The following DLC1 variants were observed in gnomAD, a reference collection of about 807,000 sequenced individuals.
DLC1 encodes the protein rho GTPase-activating protein 7.
A neutral mutation model predicts 140.3 loss-of-function variants in DLC1; 54 were observed. The ratio of observed to expected loss-of-function variants is 0.38; its 90% CI spans 0.31 to 0.48. The LOEUF (loss-of-function observed/expected upper bound fraction) is 0.48. Among genes scored for constraint, DLC1 ranks in the 20% least tolerant of loss-of-function variants. The probability of loss-of-function intolerance (pLI) is 0.96; values close to 1 mark genes in which losing one functional copy is unlikely to be tolerated. For missense variants in DLC1, 2,536 were observed against 1,907.0 expected (o/e 1.33, Z -6.14); for synonymous variants, 986 against 728.1 (o/e 1.35, Z -5.70).
intron 1 of DLC1, among the ~76,000 whole-genome samples, chr8:13,552,447 T>G (rs1803898899): frequency 6.6e-6 from 1 of 150,780 alleles, no homozygotes; most frequent in African/African-American, 2.4e-5. Context: ...TGAAAATAAA[T>G]AAAAATATAT....
At chr8:13,446,236 T>G (rs140543847) in intron 2 of DLC1, among the ~76,000 whole-genome samples, 28 of 152,318 alleles carry the variant, frequency 1.8e-4, no homozygotes, top group African/African-American at 6.5e-4. Flanking sequence ...GCAACATCCC[T>G]TGGGGATGGA....
intron 5 of DLC1, among the ~76,000 whole-genome samples, chr8:13,127,113 A>G (rs565871348): frequency 1.8e-4 from 27 of 152,328 alleles, no homozygotes; most frequent in Non-Finnish European, 3.5e-4. Context: ...TGTGAGAAAA[A>G]AGTAAGATTT....
At chr8:13,468,236 A>T (rs879423478) in intron 2 of DLC1, among the ~76,000 whole-genome samples, 15 of 152,152 alleles carry the variant, frequency 9.9e-5, no homozygotes, top group Non-Finnish European at 1.9e-4. Flanking sequence ...CAAATTTATT[A>T]ACTTAAACAT....
chr8:13,441,118 A>G (rs1798489829), intron 2 of DLC1, among the ~76,000 whole-genome samples: 1 of 152,160 alleles, frequency 6.6e-6, no homozygotes, highest in Admixed American at 6.5e-5. Context: ...TACATTTAAA[A>G]CTGCCCAGAT....
chr8:13,142,975 A>C (rs551846683), intron 5 of DLC1, among the ~76,000 whole-genome samples: 2 of 151,620 alleles, frequency 1.3e-5, no homozygotes, highest in African/African-American at 4.8e-5. Flanking sequence ...CTTGAACACC[A>C]GAGGTTGCGG....
At chr8:13,185,076 A>G (rs199947053) in intron 5 of DLC1, among the ~76,000 whole-genome samples, 2 of 111,568 alleles carry the variant, frequency 1.8e-5, no homozygotes, top group Non-Finnish European at 3.7e-5. Flanking sequence ...TTTGATCTTT[A>G]TTGGTTTAAA....
chr8:13,436,239 C>T (rs748158848), intron 2 of DLC1, among the ~76,000 whole-genome samples: 1 of 152,176 alleles, frequency 6.6e-6, no homozygotes, highest in Non-Finnish European at 1.5e-5. Context: ...TATTTTCCTA[C>T]TGTATGAATG....
intron 9 of DLC1, 43 bp downstream of exon 9, chr8:13,099,304 A>T (rs745407356): frequency 3.8e-6 from 6 of 1,570,228 alleles, no homozygotes; most frequent in East Asian, 4.5e-5. Flanking sequence ...TGTCTTTCTG[A>T]CCCCCAGTGC....
At chr8:13,196,129 C>CAT (rs1554467535) in intron 5 of DLC1, among the ~76,000 whole-genome samples, 2 of 149,902 alleles carry the variant, frequency 1.3e-5, no homozygotes, top group African/African-American at 4.9e-5. Flanking sequence ...CACACACACA[C>CAT]GTGAACTCGA....
rs559854315 is a variant in DLC1, at chr8:13,095,078, G to A, written c.3327+8C>T. ...CTGAGTACGTGGACCCGCAGGCAGC[G>A]CTCTCACCTGATCCAAACAATGGTT... On this transcript the variant is annotated splice_region_variant and intron_variant, in intron 11 of 17. Coordinates refer to ENST00000276297, the MANE Select transcript of DLC1 (RefSeq NM_182643.3). The A allele has an allele frequency of 2.8e-5, 46 of 1,614,102 alleles. No individual in the cohort carries two copies. The highest frequency in any genetic ancestry group is 6.7e-5 in the Admixed American group (4 of 60,014).
chr8:13,362,986 C>T (rs988539155), intron 4 of DLC1, among the ~76,000 whole-genome samples: 1 of 152,202 alleles, frequency 6.6e-6, no homozygotes, highest in African/African-American at 2.4e-5. Flanking sequence ...TCCCTTATCA[C>T]AATGCGTGCA....
At chr8:13,240,441 G>C (rs531016453) in intron 5 of DLC1, among the ~76,000 whole-genome samples, 1 of 152,214 alleles carries the variant, frequency 6.6e-6, no homozygotes, top group African/African-American at 2.4e-5. Flanking sequence ...TTTTCTTTCT[G>C]AGACAGGGTC....
At chr8:13,116,274 G>A (rs79833703) in intron 5 of DLC1, 1 of 968,162 alleles carries the variant, frequency 1.0e-6, no homozygotes, top group Non-Finnish European at 1.2e-6. Context: ...GGCAGAAATG[G>A]CTAATAAAGC....
chr8:13,226,132 T>A (rs1164139692), intron 5 of DLC1, among the ~76,000 whole-genome samples: 3 of 152,176 alleles, frequency 2.0e-5, no homozygotes, highest in African/African-American at 7.2e-5. Context: ...CAGGCTAGTC[T>A]TGAACTTCTG....
intron 5 of DLC1, among the ~76,000 whole-genome samples, chr8:13,287,290 G>T (rs1005394053): frequency 1.3e-5 from 2 of 152,108 alleles, no homozygotes; most frequent in Non-Finnish European, 2.9e-5. Context: ...GGACAGAAAT[G>T]GAAAGTAAGC....
At chr8:13,585,739 C>G (rs1805282464) in intron 1 of DLC1, among the ~76,000 whole-genome samples, 2 of 152,140 alleles carry the variant, frequency 1.3e-5, no homozygotes, top group African/African-American at 2.4e-5. Flanking sequence ...GAACATCACC[C>G]TGATTTCTTC....
rs762870802 is a variant in DLC1, at chr8:13,100,574, C to G, written c.1763G>C (p.Arg588Pro). 3 of 1,613,494 alleles carry G rather than the reference C, an allele frequency of 1.9e-6. No homozygotes were observed. Among genetic ancestry groups the G allele is most frequent in the South Asian group, 2.2e-5 (2 of 91,012 alleles). ...PGGTLMDLSE[R>P]QEVSSVRSLS... ...GCTGCGGACGGAAGACACCTCCTGGCGCTCGCTGAGGTCCATCAGCGTGCC... is the reference window on the plus strand; with the variant it reads ...GCTGCGGACGGAAGACACCTCCTGGGGCTCGCTGAGGTCCATCAGCGTGCC... Residue 588 changes from arginine to proline, a missense_variant, in exon 9 of 18, where the codon CGC (arginine) becomes CCC (proline). Coordinates refer to ENST00000276297, the MANE Select transcript of DLC1 (RefSeq NM_182643.3).
intron 5 of DLC1, among the ~76,000 whole-genome samples, chr8:13,173,519 G>T (rs983128345): frequency 6.6e-6 from 1 of 152,088 alleles, no homozygotes; most frequent in Non-Finnish European, 1.5e-5. Context: ...TTACAGGCAT[G>T]CACTGCCAAG....
At chr8:13,278,096 T>C (rs1396995145) in intron 5 of DLC1, among the ~76,000 whole-genome samples, 1 of 152,206 alleles carries the variant, frequency 6.6e-6, no homozygotes, top group Non-Finnish European at 1.5e-5. Flanking sequence ...CTCATGAATG[T>C]CCCCCATTGA....
Sources: gnomAD v4.1 joint callset for allele counts (sites outside exome capture counted in the v4.1 genomes callset) on GRCh38, gnomAD v4.1.1 for gene constraint, MANE v1.5 for transcripts, NCBI Gene and HGNC (gene_info 2026-07-23, HGNC 2026-07-21) for gene names.